The following KIAA1549L variants were observed in gnomAD, a reference collection of about 807,000 sequenced individuals.
KIAA1549L encodes UPF0606 protein KIAA1549L.
KIAA1549L carries 88 observed loss-of-function variants against 160.7 expected under a neutral mutation model. The observed-to-expected ratio is 0.55, with a 90% CI of 0.46 to 0.65. The LOEUF is 0.65. Among genes scored for constraint, KIAA1549L ranks in the 30% least tolerant of loss-of-function variants. The probability of loss-of-function intolerance (pLI) is 0.00; values close to 1 mark genes in which losing one functional copy is unlikely to be tolerated. For synonymous variants in KIAA1549L, 950 were observed against 976.7 expected (o/e 0.97, Z 0.51); for missense variants, 2,258 against 2,437.5 (o/e 0.93, Z 1.55).
chr11:33,543,044 C>T lies in KIAA1549L; in HGVS notation c.1481C>T (p.Pro494Leu). The T allele has an allele frequency of 6.2e-7, 1 of 1,613,988 alleles. No individual in the cohort carries two copies. Among genetic ancestry groups the T allele is most frequent in the Non-Finnish European group, 8.5e-7 (1 of 1,179,902 alleles). The change falls in exon 2 of 21, where the codon CCA becomes CTA. Residue 494 changes from proline to leucine, a missense_variant. Around this residue, in one of 6 missense-constraint regions of KIAA1549L, gnomAD observed 540 missense variants for 465.7 expected, o/e 1.16. Coordinates refer to ENST00000658780, the MANE Select transcript of KIAA1549L (RefSeq NM_012194.3). The part of the protein sequence containing the change: ...AILSGAVPAS[P>L]STGTADFPSI... Reference sequence around the variant, plus strand: ...CTTTCTGGGGCGGTTCCCGCATCACCATCAACTGGGACAGCCGACTTTCCC... The same window carrying T: ...CTTTCTGGGGCGGTTCCCGCATCACTATCAACTGGGACAGCCGACTTTCCC...
At chr11:33,464,444 A>G (rs1483767573) in intron 1 of KIAA1549L, among the ~76,000 whole-genome samples, 1 of 151,584 alleles carries the variant, frequency 6.6e-6, no homozygotes, top group East Asian at 1.9e-4. Context: ...CACGCATCAT[A>G]GGCCCAAATG....
intron 1 of KIAA1549L, among the ~76,000 whole-genome samples, chr11:33,537,312 A>G (rs1308190954): frequency 6.6e-6 from 1 of 152,166 alleles, no homozygotes; most frequent in Non-Finnish European, 1.5e-5. Context: ...TTTTCATTTG[A>G]AAAATGCTGG....
At chr11:33,528,156 C>A (rs1013838423) in intron 1 of KIAA1549L, among the ~76,000 whole-genome samples, 15 of 152,134 alleles carry the variant, frequency 9.9e-5, no homozygotes, top group African/African-American at 3.6e-4. Context: ...ATAAATTACC[C>A]ACTCTCAGGT....
intron 9 of KIAA1549L, 64 bp from the exon 10 acceptor site, chr11:33,574,638 C>T (rs1015838347): frequency 6.8e-7 from 1 of 1,481,246 alleles, no homozygotes. Context: ...CTGCTGATCA[C>T]CTGGGTGATT....
intron 16 of KIAA1549L, among the ~76,000 whole-genome samples, chr11:33,629,265 C>T (rs1345362208): frequency 6.6e-6 from 1 of 152,104 alleles, no homozygotes; most frequent in Non-Finnish European, 1.5e-5. Context: ...AATTATATGT[C>T]TTGGAGTTGC....
chr11:33,542,600 G>T lies in KIAA1549L; in HGVS notation c.1037G>T (p.Ser346Ile), dbSNP rs373682730. 2.8e-4 allele frequency: 444 copies of T among 1,613,774 alleles called. No homozygotes were observed. The highest frequency in any genetic ancestry group is 3.6e-4 in the Non-Finnish European group (422 of 1,179,836). ...GGTTCATCCACACCTGGGTTTTTGA[G>T]CCCCATGGCAGAACTGTCCCATCCG... ...SAGSSTPGFL[S>I]PMAELSHPSP... Residue 346 changes from serine (S) to isoleucine (I), a missense_variant, in exon 2 of 21, where the codon AGC becomes ATC. Ser to Ile is a moderately radical substitution (Grantham distance 142). This residue lies in a region of KIAA1549L where 540 missense variants were observed against 465.7 expected (regional missense o/e 1.16). Coordinates refer to ENST00000658780, the MANE Select transcript of KIAA1549L (RefSeq NM_012194.3).
intron 1 of KIAA1549L, among the ~76,000 whole-genome samples, chr11:33,397,854 TTTTG>T (rs1242496059): frequency 8.0e-6 from 1 of 125,058 alleles, no homozygotes; most frequent in Non-Finnish European, 1.9e-5. Context: ...ATATAGTTTT[TTTTG>T]TTTATTTGTT....
intron 1 of KIAA1549L, among the ~76,000 whole-genome samples, chr11:33,528,964 T>C (rs1387889928): frequency 6.6e-6 from 1 of 152,194 alleles, no homozygotes; most frequent in Non-Finnish European, 1.5e-5. Context: ...CCCAAAATTA[T>C]TGAAATGTTT....
At chr11:33,667,750 A>G (rs1852520929) in intron 20 of KIAA1549L, 123 bp from the exon 21 acceptor site, 1 of 812,922 alleles carries the variant, frequency 1.2e-6, no homozygotes, top group Admixed American at 2.9e-5. Context: ...TGTGGCTTCC[A>G]TTTTCTTCTA....
intron 10 of KIAA1549L, among the ~76,000 whole-genome samples, chr11:33,582,607 A>G (rs1426878014): frequency 6.6e-6 from 1 of 152,224 alleles, no homozygotes; most frequent in Non-Finnish European, 1.5e-5. Context: ...TGGCAAATGT[A>G]TACACCCATG....
intron 1 of KIAA1549L, among the ~76,000 whole-genome samples, chr11:33,425,111 G>T (rs1421582490): frequency 6.6e-6 from 1 of 152,182 alleles, no homozygotes; most frequent in African/African-American, 2.4e-5. Flanking sequence ...TTATTCATTT[G>T]TAGGGTGGAG....
At chr11:33,563,150 G>C (rs540251836) in intron 8 of KIAA1549L, among the ~76,000 whole-genome samples, 3 of 151,782 alleles carry the variant, frequency 2.0e-5, no homozygotes, top group South Asian at 4.2e-4. Flanking sequence ...TTGAGGTCAG[G>C]AGTTCAAAAC....
intron 1 of KIAA1549L, among the ~76,000 whole-genome samples, chr11:33,481,803 G>T (rs1330651313): frequency 6.6e-6 from 1 of 152,320 alleles, no homozygotes; most frequent in South Asian, 2.1e-4. Flanking sequence ...AGACCTTAAT[G>T]ATATTGGATT....
intron 6 of KIAA1549L, among the ~76,000 whole-genome samples, chr11:33,554,996 T>C (rs1021176523): frequency 2.4e-4 from 36 of 152,178 alleles, no homozygotes; most frequent in African/African-American, 6.8e-4. Flanking sequence ...ACTGCTTCTA[T>C]TGGGGGACAG....
intron 1 of KIAA1549L, among the ~76,000 whole-genome samples, chr11:33,460,141 T>C (rs939859288): frequency 6.6e-6 from 1 of 152,098 alleles, no homozygotes; most frequent in Non-Finnish European, 1.5e-5. Context: ...TCCATGGCTG[T>C]CTTGGACAGG....
At chr11:33,377,615 G>T (rs942475361) in intron 1 of KIAA1549L, among the ~76,000 whole-genome samples, 2 of 152,044 alleles carry the variant, frequency 1.3e-5, no homozygotes, top group Non-Finnish European at 2.9e-5. Flanking sequence ...CAGTTGTCCT[G>T]GAAATAATAA....
chr11:33,580,788 G>A (rs1590364657), intron 10 of KIAA1549L, among the ~76,000 whole-genome samples: 2 of 152,056 alleles, frequency 1.3e-5, no homozygotes, highest in African/African-American at 4.8e-5. Flanking sequence ...TTCTAGGGTG[G>A]GCAGATCAAA....
intron 1 of KIAA1549L, among the ~76,000 whole-genome samples, chr11:33,385,291 C>G (rs1315356574): frequency 1.3e-5 from 2 of 152,194 alleles, no homozygotes; most frequent in Non-Finnish European, 2.9e-5. Context: ...TTGTACTTCT[C>G]TCCATATGCC....
chr11:33,611,673 A>T (rs562054328), intron 15 of KIAA1549L, among the ~76,000 whole-genome samples: 14 of 152,294 alleles, frequency 9.2e-5, no homozygotes, highest in African/African-American at 2.6e-4. Context: ...GTTTTACTTC[A>T]GTGGTCTTTG....
Sources: gnomAD v4.1 joint callset for allele counts (sites outside exome capture counted in the v4.1 genomes callset) on GRCh38, gnomAD v4.1.1 for gene constraint, gnomAD v4.1.1 regional missense constraint, MANE v1.5 for transcripts, NCBI Gene and HGNC (gene_info 2026-07-23, HGNC 2026-07-21) for gene names.